Variants in RAPGEF5 observed in about 807,000 individuals in gnomAD.
The protein encoded by RAPGEF5 is Rap guanine nucleotide exchange factor 5.
In RAPGEF5, 65 loss-of-function variants were observed where a neutral mutation model predicts 125.2. The observed-to-expected ratio is 0.52, with a 90% CI of 0.43 to 0.64. RAPGEF5 has a LOEUF of 0.64. Ranked by LOEUF, RAPGEF5 falls within the 30% of genes least tolerant of loss-of-function variation. RAPGEF5 has a pLI of 0.00. For synonymous variants in RAPGEF5, 391 were observed against 385.9 expected (o/e 1.01, Z -0.16); for missense variants, 958 against 1,048.1 (o/e 0.91, Z 1.19).
At chr7:22,219,773 T>G in intron 9 of RAPGEF5, 93 bp downstream of exon 9, 1 of 1,450,436 alleles carries the variant, frequency 6.9e-7, no homozygotes, top group Non-Finnish European at 9.2e-7. Context: ...CCTAAAGAAT[T>G]TAAAATAAAA....
intron 6 of RAPGEF5, among the ~76,000 whole-genome samples, chr7:22,277,460 T>C (rs2128143915): frequency 6.6e-6 from 1 of 152,328 alleles, no homozygotes; most frequent in South Asian, 2.1e-4. Flanking sequence ...CATATTTGTA[T>C]AGGTCAAAAG....
intron 7 of RAPGEF5, among the ~76,000 whole-genome samples, chr7:22,232,555 A>C (rs1030899767): frequency 2.6e-5 from 4 of 152,168 alleles, no homozygotes; most frequent in African/African-American, 9.7e-5. Context: ...CCTGACCTCA[A>C]GTGATTTGCC....
intron 6 of RAPGEF5, among the ~76,000 whole-genome samples, chr7:22,281,871 C>T (rs909519567): frequency 6.6e-6 from 1 of 152,098 alleles, no homozygotes; most frequent in Non-Finnish European, 1.5e-5. Context: ...AAAATCTTAA[C>T]CTCTCCCTCT....
chr7:22,193,663 G>A, intron 10 of RAPGEF5: 1 of 1,550,776 alleles, frequency 6.4e-7, no homozygotes, highest in Non-Finnish European at 8.7e-7. Flanking sequence ...GCTGCCCATT[G>A]TGAACGGTTA....
At chr7:22,344,035 C>G (rs1000720914) in intron 1 of RAPGEF5, among the ~76,000 whole-genome samples, 4 of 152,152 alleles carry the variant, frequency 2.6e-5, no homozygotes, top group Admixed American at 2.0e-4. Flanking sequence ...GCCCTTGATT[C>G]ACATTCAAGT....
chr7:22,230,900 T>A lies in RAPGEF5; in HGVS notation c.816A>T (p.Glu272Asp). The A allele has an allele frequency of 6.4e-7, 1 of 1,562,534 alleles. No homozygotes were observed. Among genetic ancestry groups the A allele is most frequent in the South Asian group, 1.2e-5 (1 of 85,036 alleles). ...ARKSAIEQDEENNDKHVAVTE... is the reference protein window; with the variant it reads ...ARKSAIEQDEDNNDKHVAVTE... ...TTACAGCTACATGTTTGTCGTTGTT[T>A]TCTTCATCTTGTTCAATTGCTTAAA... Residue 272 changes from glutamate (E) to aspartate (D), a missense_variant, in exon 8 of 26, where the codon GAA becomes GAT. Transcript: ENST00000665637.
In RAPGEF5 at chr7:22,347,271, T is replaced by C. The variant is rs113408545; in HGVS notation, c.231+9559A>G. On this transcript the variant is annotated intron_variant, in intron 1 of 25. Coordinates refer to ENST00000665637, the MANE Select transcript of RAPGEF5 (RefSeq NM_012294.5). ...TACCTAAGCAATATCAGTGTTCATA[T>C]AGATTGTTAATATAATCTTAATTTA... Among the ~76,000 whole-genome samples the C allele has an allele frequency of 5.2e-3, 785 of 152,316 alleles. 3 individuals carry two copies. The highest frequency in any genetic ancestry group is 7.5e-3 in the Non-Finnish European group (512 of 68,012).
intron 6 of RAPGEF5, among the ~76,000 whole-genome samples, chr7:22,271,849 T>C (rs1314703496): frequency 6.6e-6 from 1 of 152,236 alleles, no homozygotes; most frequent in Non-Finnish European, 1.5e-5. Flanking sequence ...CATTCTGTCT[T>C]CTTTTTCCTC....
At chr7:22,249,267 C>G (rs975807605) in intron 7 of RAPGEF5, among the ~76,000 whole-genome samples, 1 of 152,204 alleles carries the variant, frequency 6.6e-6, no homozygotes, top group Non-Finnish European at 1.5e-5. Context: ...TCTTGGCTCA[C>G]TGCAACCTCA....
chr7:22,250,545 C>A (rs1421400607), intron 7 of RAPGEF5, among the ~76,000 whole-genome samples: 2 of 152,020 alleles, frequency 1.3e-5, no homozygotes, highest in Non-Finnish European at 2.9e-5. Flanking sequence ...TCTGTTTATC[C>A]AATTAGACTT....
In RAPGEF5 at chr7:22,118,739, G is replaced by A. The variant is rs527446590; in HGVS notation, c.*3667C>T. ...GCAAGATTTCTTGCTTCAGGTCACT[G>A]ATTTCATCCCAGTATTTAATAACAG... On this transcript the variant is annotated 3_prime_UTR_variant, in exon 26 of 26. Coordinates refer to ENST00000665637, the MANE Select transcript of RAPGEF5 (RefSeq NM_012294.5). 2.6e-5 allele frequency: 4 copies of A among 152,528 alleles called. No homozygotes were observed. Among genetic ancestry groups the A allele is most frequent in the Non-Finnish European group, 5.9e-5 (4 of 68,030 alleles). The allele number at this position is 152,528 out of a possible 1,614,324, so 9.4% of individuals were successfully genotyped here.
intron 10 of RAPGEF5, 172 bp downstream of exon 10, chr7:22,193,743 T>C (rs1785075071): frequency 1.3e-5 from 21 of 1,561,002 alleles, no homozygotes; most frequent in South Asian, 2.3e-5. Context: ...ACTGAGTCCA[T>C]CTGGCTGCTA....
intron 3 of RAPGEF5, among the ~76,000 whole-genome samples, chr7:22,314,186 T>G (rs543225067): frequency 2.5e-4 from 38 of 152,280 alleles, no homozygotes; most frequent in Admixed American, 7.8e-4. Flanking sequence ...AGAATATAGA[T>G]TCTGCCAATT....
At chr7:22,261,257 C>A in intron 7 of RAPGEF5, among the ~76,000 whole-genome samples, 1 of 151,640 alleles carries the variant, frequency 6.6e-6, no homozygotes. Flanking sequence ...AACTAAAAAC[C>A]TAAATGTACA....
At chr7:22,153,141 T>C (rs1289490998) in intron 17 of RAPGEF5, among the ~76,000 whole-genome samples, 1 of 152,180 alleles carries the variant, frequency 6.6e-6, no homozygotes, top group Non-Finnish European at 1.5e-5. Flanking sequence ...GCAGAGTTCA[T>C]TCAGCTCTTC....
At chr7:22,352,515 T>C (rs12539362) in intron 1 of RAPGEF5, among the ~76,000 whole-genome samples, 79,296 of 151,910 alleles carry the variant, frequency 0.52, 21,399 homozygotes, top group East Asian at 0.6. Flanking sequence ...ATATCTTGCG[T>C]CAGAAAAGTA....
chr7:22,171,759 C>A (rs1003868866), intron 11 of RAPGEF5, among the ~76,000 whole-genome samples: 1 of 152,220 alleles, frequency 6.6e-6, no homozygotes, highest in Admixed American at 6.5e-5. Context: ...CTCAGCCTCC[C>A]AAAGTGCTGG....
At chr7:22,123,333 T>C (rs1169441943) in intron 25 of RAPGEF5, among the ~76,000 whole-genome samples, 1 of 151,872 alleles carries the variant, frequency 6.6e-6, no homozygotes, top group African/African-American at 2.4e-5. Flanking sequence ...TGCACCACAG[T>C]CAAACACACA....
At chr7:22,260,718 C>T (rs1316395912) in intron 7 of RAPGEF5, among the ~76,000 whole-genome samples, 3 of 151,952 alleles carry the variant, frequency 2.0e-5, no homozygotes, top group Non-Finnish European at 2.9e-5. Flanking sequence ...GGTAAATACA[C>T]ATTTAAAAAA....
Sources: allele counts gnomAD v4.1 joint callset (sites outside exome capture counted in the v4.1 genomes callset), GRCh38; gene constraint gnomAD v4.1.1; transcripts MANE v1.5; gene names NCBI Gene and HGNC (gene_info 2026-07-23, HGNC 2026-07-21).